ZDHHC20: variants seen among roughly 807,000 people sequenced by gnomAD.
ZDHHC20 encodes palmitoyltransferase ZDHHC20.
In ZDHHC20, 43 loss-of-function variants were observed where a neutral mutation model predicts 57.8. That is an observed-to-expected ratio of 0.74 (90% CI 0.58 to 0.96). The LOEUF (loss-of-function observed/expected upper bound fraction) is 0.96. ZDHHC20 is among the 40% of genes least tolerant of loss of function. The probability of loss-of-function intolerance (pLI) is 0.00; values close to 1 mark genes in which losing one functional copy is unlikely to be tolerated. For synonymous variants in ZDHHC20, 157 were observed against 153.0 expected (o/e 1.03, Z -0.19); for missense variants, 391 against 441.1 (o/e 0.89, Z 1.02).
At chr13:21,385,825 TGATAAG>T (rs1050916667) in intron 9 of ZDHHC20, among the ~76,000 whole-genome samples, 3 of 151,980 alleles carry the variant, frequency 2.0e-5, no homozygotes, top group African/African-American at 7.3e-5. Flanking sequence ...TTAAAATCAA[TGATAAG>T]GATAAACTCT....
At chr13:21,386,729 A>G (rs1161377103) in intron 9 of ZDHHC20, among the ~76,000 whole-genome samples, 5 of 152,146 alleles carry the variant, frequency 3.3e-5, no homozygotes, top group Non-Finnish European at 1.5e-5. Context: ...TTGTATTTTT[A>G]GTAGAGACCG....
chr13:21,377,491 C>A (rs1872378815), intron 12 of ZDHHC20, among the ~76,000 whole-genome samples: 1 of 91,562 alleles, frequency 1.1e-5, no homozygotes, highest in African/African-American at 4.7e-5. Context: ...CTGACTCTGC[C>A]CGACGTGACC....
At chr13:21,394,531 C>T (rs1244548278) in intron 7 of ZDHHC20, among the ~76,000 whole-genome samples, 1 of 152,164 alleles carries the variant, frequency 6.6e-6, no homozygotes, top group Non-Finnish European at 1.5e-5. Context: ...TAGAGTACTA[C>T]CTGCCATACA....
chr13:21,385,370 A>G (rs1002214449), intron 9 of ZDHHC20, among the ~76,000 whole-genome samples: 5 of 152,212 alleles, frequency 3.3e-5, no homozygotes, highest in Non-Finnish European at 7.3e-5. Flanking sequence ...CACAGGTTGC[A>G]GTGAGCCTAG....
chr13:21,393,738 G>T (rs1805013273), intron 7 of ZDHHC20, among the ~76,000 whole-genome samples: 1 of 134,554 alleles, frequency 7.4e-6, no homozygotes, highest in South Asian at 2.4e-4. Context: ...AAGGTACAAG[G>T]TCTCACTAAG....
intron 7 of ZDHHC20, among the ~76,000 whole-genome samples, chr13:21,393,192 T>TC (rs200929004): frequency 4.1e-5 from 6 of 147,802 alleles, no homozygotes; most frequent in Admixed American, 6.7e-5. Context: ...CTTTTTTCTT[T>TC]TTTTTTTTTT....
chr13:21,439,029 C>T (rs946452129), intron 1 of ZDHHC20, among the ~76,000 whole-genome samples: 7 of 152,158 alleles, frequency 4.6e-5, no homozygotes, highest in African/African-American at 1.2e-4. Context: ...ATAGGGTGAA[C>T]GTAACTTTTA....
chr13:21,444,785 G>A (rs368057735), intron 1 of ZDHHC20, among the ~76,000 whole-genome samples: 1 of 152,134 alleles, frequency 6.6e-6, no homozygotes, highest in Non-Finnish European at 1.5e-5. Flanking sequence ...GCTGGGCACA[G>A]TGGCTGATGT....
chr13:21,406,330 C>T (rs868048252), intron 4 of ZDHHC20, among the ~76,000 whole-genome samples: 3 of 152,200 alleles, frequency 2.0e-5, no homozygotes, highest in Middle Eastern at 3.2e-3. Flanking sequence ...CTTACTCCTG[C>T]ACATCTAATT....
intron 1 of ZDHHC20, among the ~76,000 whole-genome samples, chr13:21,448,325 G>C (rs1420877462): frequency 3.2e-5 from 3 of 94,774 alleles, no homozygotes; most frequent in Admixed American, 9.7e-5. Flanking sequence ...AGGTGGGGGG[G>C]TCAGCCCCCC....
chr13:21,452,607 T>C (rs1028204616), intron 1 of ZDHHC20, among the ~76,000 whole-genome samples: 1 of 152,154 alleles, frequency 6.6e-6, no homozygotes, highest in African/African-American at 2.4e-5. Flanking sequence ...ATTAATATAA[T>C]CAACTGTTTA....
intron 1 of ZDHHC20, 85 bp downstream of exon 1, chr13:21,458,969 A>G (rs898676976): frequency 9.8e-7 from 1 of 1,019,330 alleles, no homozygotes; most frequent in Non-Finnish European, 1.3e-6. Context: ...GGCTCCAGAA[A>G]GGCGGCGGGT....
chr13:21,432,496 AT>A (rs970124615), intron 1 of ZDHHC20, among the ~76,000 whole-genome samples: 4 of 151,538 alleles, frequency 2.6e-5, no homozygotes, highest in Non-Finnish European at 5.9e-5. Context: ...TGCCTGACTA[AT>A]TTTTTTTGTG....
intron 1 of ZDHHC20, among the ~76,000 whole-genome samples, chr13:21,442,716 C>A (rs1266911589): frequency 6.6e-6 from 1 of 151,990 alleles, no homozygotes; most frequent in African/African-American, 2.4e-5. Context: ...GATCACACCA[C>A]TGGACTCCAG....
chr13:21,421,057 T>C lies in ZDHHC20; in HGVS notation c.249+4A>G. ...ATTTGGTAATTTACCAACATTAAATTTACCTCTTTGGAGGGGGAAGCGGGA... is the reference window on the plus strand; with the variant it reads ...ATTTGGTAATTTACCAACATTAAATCTACCTCTTTGGAGGGGGAAGCGGGA... On this transcript the variant is annotated splice_donor_region_variant and intron_variant, in intron 3 of 12. Coordinates refer to ENST00000400590, the MANE Select transcript of ZDHHC20 (RefSeq NM_001330059.2). 1 of 1,609,374 alleles carries C rather than the reference T, an allele frequency of 6.2e-7. No homozygotes were observed. Among genetic ancestry groups the C allele is most frequent in the Non-Finnish European group, 8.5e-7 (1 of 1,177,076 alleles).
chr13:21,397,110 T>C (rs185497691), intron 7 of ZDHHC20, among the ~76,000 whole-genome samples: 126 of 152,188 alleles, frequency 8.3e-4, no homozygotes, highest in African/African-American at 2.9e-3. Context: ...AAATCCTCAT[T>C]TGGGCTGGCC....
At chr13:21,378,768 CAAA>C (rs751093398) in intron 11 of ZDHHC20, 30 bp from the exon 12 acceptor site, 5,461 of 680,800 alleles carry the variant, frequency 8.0e-3, no homozygotes, top group South Asian at 0.013. Flanking sequence ...TATGACATGA[CAAA>C]AAAAAAAAAA....
At chr13:21,397,196 A>G (rs1593202637) in intron 7 of ZDHHC20, among the ~76,000 whole-genome samples, 1 of 152,154 alleles carries the variant, frequency 6.6e-6, no homozygotes, top group East Asian at 1.9e-4. Context: ...GGAGTTCAAG[A>G]CTGGCCTGGC....
intron 1 of ZDHHC20, among the ~76,000 whole-genome samples, chr13:21,440,920 G>C (rs1883084973): frequency 6.6e-6 from 1 of 151,910 alleles, no homozygotes; most frequent in Admixed American, 6.6e-5. Flanking sequence ...CTATTTTTTA[G>C]AGTAGTTTTA....
Sources: allele counts gnomAD v4.1 joint callset (sites outside exome capture counted in the v4.1 genomes callset), GRCh38; gene constraint gnomAD v4.1.1; transcripts MANE v1.5; gene names NCBI Gene and HGNC (gene_info 2026-07-23, HGNC 2026-07-21).